The following NDC80 variants were observed in gnomAD, a reference collection of about 807,000 sequenced individuals.
NDC80 encodes NDC80 kinetochore complex component.
NDC80 carries 69 observed loss-of-function variants against 89.3 expected under a neutral mutation model. The observed-to-expected ratio is 0.77, with a 90% CI of 0.64 to 0.94. NDC80 has a LOEUF of 0.94. Ranked by LOEUF, NDC80 falls within the 40% of genes least tolerant of loss-of-function variation. NDC80 has a pLI of 0.00. For synonymous variants in NDC80, 243 were observed against 255.6 expected (o/e 0.95, Z 0.47); for missense variants, 593 against 739.6 (o/e 0.80, Z 2.30).
At chr18:2,589,444 T>C in intron 9 of NDC80, 134 bp downstream of exon 9, 1 of 633,242 alleles carries the variant, frequency 1.6e-6, no homozygotes, top group Non-Finnish European at 2.8e-6. Context: ...AATTTTCACC[T>C]AGAAACTCCC....
rs1179070812 is a variant in NDC80 at position 2,603,351 on chromosome 18, T to TTATATATATATATATATATATATA, written c.1464+1870_1464+1871insTATATATATATATATATATATATA. On this transcript the variant is annotated intron_variant, in intron 13 of 16. Transcript: ENST00000261597. ...TGGAGAACAACAGAAGAGAATATGT[T>TTATATATATATATATATATATATA]TATACATATATATATATATATATAT... Among the ~76,000 whole-genome samples the TTATATATATATATATATATATATA allele has an allele frequency of 1.3e-3, 102 of 80,890 alleles. 3 individuals carry two copies. The highest frequency in any genetic ancestry group is 4.7e-3 in the African/African-American group (94 of 19,894). The allele number at this position is 80,890 out of a possible 152,430, so 53.1% of individuals were successfully genotyped here.
chr18:2,577,215 C>CT (rs11326622), intron 3 of NDC80: 121 of 120,614 alleles, frequency 1.0e-3, no homozygotes, highest in East Asian at 2.1e-3. Flanking sequence ...ACTGTCTGCG[C>CT]TTTTTTTTTT....
At chr18:2,583,007 G>A (rs2072585939) in intron 6 of NDC80, 1 of 152,234 alleles carries the variant, frequency 6.6e-6, no homozygotes, top group African/African-American at 2.4e-5. Flanking sequence ...CTTTTGGTTA[G>A]TGATCAAAGT....
At chr18:2,601,775 T>A (rs912378141) in intron 13 of NDC80, among the ~76,000 whole-genome samples, 3 of 152,150 alleles carry the variant, frequency 2.0e-5, no homozygotes, top group African/African-American at 7.2e-5. Flanking sequence ...ATTTTTATAC[T>A]AAAAGAGGCT....
At chr18:2,616,321 G>A (rs1983345) in intron 16 of NDC80, 116 bp from the exon 17 acceptor site, 121,622 of 643,494 alleles carry the variant, frequency 0.19, 13,013 homozygotes, top group South Asian at 0.28. Flanking sequence ...CACCATGCCC[G>A]GCCCTTTTTA....
intron 6 of NDC80, among the ~76,000 whole-genome samples, chr18:2,580,195 T>C (rs2072569201): frequency 6.6e-6 from 1 of 152,216 alleles, no homozygotes; most frequent in African/African-American, 2.4e-5. Flanking sequence ...TAAAGGTGAA[T>C]TTTTTACATT....
At chr18:2,615,909 A>G (rs185410506) in intron 16 of NDC80, among the ~76,000 whole-genome samples, 1 of 152,362 alleles carries the variant, frequency 6.6e-6, no homozygotes, top group East Asian at 1.9e-4. Flanking sequence ...ATAAAGGTAT[A>G]ATATAAAGAA....
chr18:2,590,908 C>A (rs1359646997), intron 10 of NDC80, among the ~76,000 whole-genome samples: 1 of 149,258 alleles, frequency 6.7e-6, no homozygotes, highest in Non-Finnish European at 1.5e-5. Flanking sequence ...AAACCAGATT[C>A]TTTTGTTTTT....
chr18:2,604,341 A>G (rs896862578), intron 13 of NDC80, among the ~76,000 whole-genome samples: 3 of 152,254 alleles, frequency 2.0e-5, no homozygotes, highest in Non-Finnish European at 4.4e-5. Context: ...GCTCATGTTC[A>G]TCCACATGCA....
rs1160994824 is a variant in NDC80, at chr18:2,577,984, G to C, written c.319G>C (p.Gly107Arg). Residue 107 changes from glycine to arginine, a missense_variant, in exon 5 of 17, where the codon GGT becomes CGT. Physicochemically the swap from Gly to Arg is moderately radical, Grantham distance 125. Transcript: ENST00000261597. ...ATTATTGTAGTTTCTTACAGAAAAT[G>C]GTTATGCACATAATGTGTCCATGAA... Reference protein sequence around the residue: ...RQLCEFLTENGYAHNVSMKSL... With the variant: ...RQLCEFLTENRYAHNVSMKSL... The C allele has an allele frequency of 1.2e-5, 19 of 1,612,416 alleles. No individual in the cohort carries two copies. The highest frequency in any genetic ancestry group is 1.5e-5 in the Non-Finnish European group (18 of 1,179,534).
At chr18:2,595,229 T>TTATATATATATATATA (rs60668754) in intron 10 of NDC80, among the ~76,000 whole-genome samples, 187 bp from the exon 11 acceptor site, 6 of 146,598 alleles carry the variant, frequency 4.1e-5, no homozygotes, top group African/African-American at 1.2e-4. Context: ...ACTTTGAAAT[T>TTATATATATATATATA]TATATATATA....
rs770908470 is a variant in NDC80 at position 2,577,977 on chromosome 18, A to C, written c.312A>C (p.Thr104=). 6.2e-7 allele frequency: 1 copy of C among 1,610,956 alleles called. No individual in the cohort carries two copies. Among genetic ancestry groups the C allele is most frequent in the Non-Finnish European group, 8.5e-7 (1 of 1,178,732 alleles). ...CATAAAAATTATTGTAGTTTCTTAC[A>C]GAAAATGGTTATGCACATAATGTGT... ...QCIRQLCEFL[T]ENGYAHNVSM... The change falls in exon 5 of 17, where the codon ACA becomes ACC. Residue 104 remains threonine, a synonymous_variant. Transcript: ENST00000261597.
chr18:2,600,936 C>T (rs1380845099), intron 12 of NDC80, among the ~76,000 whole-genome samples: 1 of 152,040 alleles, frequency 6.6e-6, no homozygotes, highest in Non-Finnish European at 1.5e-5. Context: ...AAATGACAAG[C>T]AATGAAGTGC....
intron 6 of NDC80, 128 bp downstream of exon 6, chr18:2,579,157 C>T: frequency 2.1e-6 from 1 of 476,990 alleles, no homozygotes; most frequent in Non-Finnish European, 3.4e-6. Context: ...TTTCAAAGCA[C>T]ATTTGATTTT....
At chr18:2,585,676 G>GT (rs142258596) in intron 7 of NDC80, among the ~76,000 whole-genome samples, 3,021 of 150,522 alleles carry the variant, frequency 0.02, 98 homozygotes, top group African/African-American at 0.07. Context: ...TTATAAATTT[G>GT]TTTTTTTTAA....
At chr18:2,608,603 A>G in intron 14 of NDC80, 97 bp from the exon 15 acceptor site, 1 of 1,308,534 alleles carries the variant, frequency 7.6e-7, no homozygotes, top group Non-Finnish European at 1.0e-6. Flanking sequence ...ATGCAACCTG[A>G]TTTTATTTAA....
intron 13 of NDC80, among the ~76,000 whole-genome samples, chr18:2,605,975 G>A (rs1029747144): frequency 6.6e-6 from 1 of 151,922 alleles, no homozygotes; most frequent in Non-Finnish European, 1.5e-5. Context: ...GACTATAATA[G>A]CAAACATCCA....
intron 7 of NDC80, 68 bp from the exon 8 acceptor site, chr18:2,587,762 C>T (rs1004749879): frequency 1.6e-6 from 2 of 1,233,904 alleles, no homozygotes; most frequent in East Asian, 2.4e-5. Context: ...TAAATTTCCA[C>T]CTAGAAAAGT....
intron 12 of NDC80, among the ~76,000 whole-genome samples, chr18:2,599,954 A>G (rs943294749): frequency 2.8e-4 from 42 of 152,294 alleles, no homozygotes; most frequent in African/African-American, 8.9e-4. Flanking sequence ...ATACATCCCT[A>G]CTTTACCAGA....
Sources: gnomAD v4.1 joint callset for allele counts (sites outside exome capture counted in the v4.1 genomes callset) on GRCh38, gnomAD v4.1.1 for gene constraint, MANE v1.5 for transcripts, NCBI Gene and HGNC (gene_info 2026-07-23, HGNC 2026-07-21) for gene names.